Variants in OXGR1 observed in about 807,000 individuals in gnomAD.
The protein encoded by OXGR1 is 2-oxoglutarate receptor 1.
OXGR1 carries 10 observed loss-of-function variants against 10.0 expected under a neutral mutation model. The observed-to-expected ratio is 1.00, with a 90% CI of 0.62 to 1.70. OXGR1 has a LOEUF of 1.70. Ranked by LOEUF, OXGR1 falls within the 40% of genes most tolerant of loss-of-function variation. The pLI, the probability that OXGR1 is intolerant of heterozygous loss-of-function variation, is 0.00. For synonymous variants in OXGR1, 191 were observed against 155.9 expected, an observed-to-expected ratio of 1.22 and a Z score of -1.68; for missense variants, 398 against 407.6, an observed-to-expected ratio of 0.98 and a Z score of 0.20.
intron 1 of OXGR1, among the ~76,000 whole-genome samples, chr13:96,993,241 C>T (rs939111153): frequency 3.6e-4 from 54 of 152,066 alleles, no homozygotes; most frequent in African/African-American, 1.2e-3. Context: ...GTTTTGGAGA[C>T]GAAATCTTGC....
Position 96,987,194 on chromosome 13 carries a change from G to A in OXGR1, c.566C>T (p.Ser189Leu), listed in dbSNP as rs1391190434. 7.4e-6 allele frequency: 12 copies of A among 1,614,046 alleles called. No homozygotes were observed. The highest frequency in any genetic ancestry group is 1.7e-5 in the Admixed American group (1 of 60,002). The change falls in exon 4 of 4, where the codon TCG (serine) becomes TTG (leucine). Residue 189 changes from serine to leucine, a missense_variant. Physicochemically the swap from Ser to Leu is moderately radical, Grantham distance 145. Coordinates refer to ENST00000541038, the MANE Select transcript of OXGR1 (RefSeq NM_001346194.2). ...CCACTTAATAGTATTGAGTTCATCC[G>A]AACTGGTGAGGTCGAGACAGGCTGA... ...NRSACLDLTS[S>L]DELNTIKWYN...
chr13:96,992,187 T>A, intron 2 of OXGR1, among the ~76,000 whole-genome samples: 1 of 151,850 alleles, frequency 6.6e-6, no homozygotes, highest in East Asian at 1.9e-4. Flanking sequence ...CACAATGGGG[T>A]GACCATAGTC....
At chr13:96,990,788 A>C (rs1019028859) in intron 2 of OXGR1, among the ~76,000 whole-genome samples, 10 of 151,764 alleles carry the variant, frequency 6.6e-5, no homozygotes, top group Non-Finnish European at 7.4e-5. Flanking sequence ...TATTAAAAAT[A>C]CAAAAAAAAA....
In OXGR1 at chr13:96,994,474, T is replaced by G. The variant is rs1882223013; in HGVS notation, c.-454A>C. On this transcript the variant is annotated 5_prime_UTR_variant, in exon 1 of 4. An upstream start codon of the reference 5' UTR is lost. Transcript: ENST00000541038. ...GCCCCGAGCAGCCTGGCCAGCAGCA[T>G]CCCGCCTCGCCCACTTCCCAGTAGA... 1 of 138,800 alleles carries G rather than the reference T, an allele frequency of 7.2e-6. No homozygotes were observed. Among genetic ancestry groups the G allele is most frequent in the African/African-American group, 2.7e-5 (1 of 37,120 alleles). 8.6% of individuals were successfully genotyped at this position (138,800 alleles called of 1,614,324 possible).
At chr13:96,994,172 G>A (rs562797008) in intron 1 of OXGR1, 126 bp downstream of exon 1, 2 of 152,512 alleles carry the variant, frequency 1.3e-5, no homozygotes, top group East Asian at 1.9e-4. Flanking sequence ...CTGCTGCAGG[G>A]ACGTGCGGGG....
intron 3 of OXGR1, 30 bp downstream of exon 3, chr13:96,989,728 T>C (rs1881957702): frequency 6.6e-6 from 1 of 152,234 alleles, no homozygotes; most frequent in Non-Finnish European, 1.5e-5. Flanking sequence ...CTGAAGTGCC[T>C]GTAATCACAA....
chr13:96,987,596 A>G lies in OXGR1; in HGVS notation c.164T>C (p.Ile55Thr), dbSNP rs1214147279. The change falls in exon 4 of 4, where the codon ATA (isoleucine) becomes ACA (threonine). Residue 55 changes from isoleucine (I) to threonine (T), a missense_variant. Transcript: ENST00000541038. ...LVGFPGNAVV[I>T]STYIFKMRPW... ...TCTCATTTTGAAAATGTAAGTGGAT[A>G]TCACTACTGCATTGCCTGGAAATCC... 1.9e-6 allele frequency: 3 copies of G among 1,614,172 alleles called. No homozygotes were observed. Among genetic ancestry groups the G allele is most frequent in the Middle Eastern group, 1.6e-4 (1 of 6,062 alleles).
intron 3 of OXGR1, among the ~76,000 whole-genome samples, chr13:96,988,651 C>T (rs1021115961): frequency 2.6e-5 from 4 of 152,026 alleles, no homozygotes; most frequent in East Asian, 1.9e-4. Context: ...GGAGGCTGAG[C>T]CCTGAAGCCA....
chr13:96,987,483 A>G lies in OXGR1; in HGVS notation c.277T>C (p.Tyr93His), dbSNP rs750738836. The change falls in exon 4 of 4, where the codon TAT (tyrosine) becomes CAT (histidine). Residue 93 changes from tyrosine to histidine, a missense_variant. Physicochemically the swap from Tyr to His is moderately conservative, Grantham distance 83 (BLOSUM62 2). Transcript: ENST00000541038. Reference protein sequence around the residue: ...LTSLPFLIHYYASGENWIFGD... With the variant: ...LTSLPFLIHYHASGENWIFGD... ...AAGATCCAGTTTTCGCCACTGGCAT[A>G]GTAGTGAATCAGGAAGGGGAGGCTG... 6.8e-6 allele frequency: 11 copies of G among 1,614,120 alleles called. No homozygotes were observed. In the South Asian group the frequency reaches 1.2e-4, roughly 18 times the overall value.
chr13:96,986,421 G>A lies in OXGR1; in HGVS notation c.*325C>T. 1.2e-5 allele frequency: 3 copies of A among 241,612 alleles called. No individual in the cohort carries two copies. The highest frequency in any genetic ancestry group is 2.4e-5 in the Non-Finnish European group (3 of 125,206). The allele number at this position is 241,612 out of a possible 1,614,324, so 15.0% of individuals were successfully genotyped here. On this transcript the variant is annotated 3_prime_UTR_variant, in exon 4 of 4. Transcript: ENST00000541038. Reference sequence around the variant, plus strand: ...GCACAAATTTACTGAGCAATCTAGGGCAAGGGTAAGAAATTGGTTTCCGTG... The same window carrying A: ...GCACAAATTTACTGAGCAATCTAGGACAAGGGTAAGAAATTGGTTTCCGTG...
intron 3 of OXGR1, among the ~76,000 whole-genome samples, chr13:96,988,364 C>T (rs1881888209): frequency 6.6e-6 from 1 of 152,194 alleles, no homozygotes. Context: ...TCCCTTTCTA[C>T]ATTACCTCTC....
At position 96,986,838 on chromosome 13, in the gene OXGR1, T is replaced by C. The variant is rs1881765892; in HGVS notation, c.922A>G (p.Asn308Asp). 6.2e-7 allele frequency: 1 copy of C among 1,614,094 alleles called. No homozygotes were observed. Among genetic ancestry groups the C allele is most frequent in the South Asian group, 1.1e-5 (1 of 91,082 alleles). ...GTTGAGCAGACAGCCTGCTGAAAGT[T>C]GTCGCTGACCACCACATATAGTAAC... is the stretch of plus-strand genomic sequence containing the variant. Reference protein sequence around the residue: ...NLLLYVVVSDNFQQAVCSTVR... With the variant: ...NLLLYVVVSDDFQQAVCSTVR... Residue 308 changes from asparagine (N) to aspartate (D), a missense_variant, in exon 4 of 4, where the codon AAC becomes GAC. Physicochemically the swap from Asn to Asp is conservative, Grantham distance 23 (BLOSUM62 1). Transcript: ENST00000541038.
Position 96,988,040 on chromosome 13 carries a change from A to G in OXGR1, c.-74-207T>C, listed in dbSNP as rs1029634868. Reference sequence around the variant, plus strand: ...CTAATAAAAATATAAAAGTTAAATTACCATGAGAGTTAAAATGAGGGATTG... The same window carrying G: ...CTAATAAAAATATAAAAGTTAAATTGCCATGAGAGTTAAAATGAGGGATTG... On this transcript the variant is annotated intron_variant, in intron 3 of 3. Transcript: ENST00000541038. 1.2e-4 allele frequency among the ~76,000 whole-genome samples: 18 copies of G among 152,356 alleles called. No individual in the cohort carries two copies. In the East Asian group the frequency reaches 3.5e-3, roughly 29 times the overall value.
Position 96,987,605 on chromosome 13 carries a change from G to T in OXGR1, c.155C>A (p.Ala52Glu). The change falls in exon 4 of 4, where the codon GCA (alanine) becomes GAA (glutamate). Residue 52 changes from alanine to glutamate, a missense_variant. Coordinates refer to ENST00000541038, the MANE Select transcript of OXGR1 (RefSeq NM_001346194.2). ...GAAAATGTAAGTGGATATCACTACT[G>T]CATTGCCTGGAAATCCCACGAGGAA... ...IIFLVGFPGN[A>E]VVISTYIFKM... 1 of 1,614,082 alleles carries T rather than the reference G, an allele frequency of 6.2e-7. No individual in the cohort carries two copies.
intron 2 of OXGR1, among the ~76,000 whole-genome samples, 182 bp downstream of exon 2, chr13:96,992,240 G>A (rs759764956): frequency 6.6e-6 from 1 of 152,164 alleles, no homozygotes; most frequent in Non-Finnish European, 1.5e-5. Context: ...AAGGTAAGTG[G>A]ATTGTTTGTA....
intron 2 of OXGR1, among the ~76,000 whole-genome samples, chr13:96,990,987 T>C (rs1185165790): frequency 6.8e-6 from 1 of 146,314 alleles, no homozygotes; most frequent in African/African-American, 2.6e-5. Context: ...TTCATGACTT[T>C]TAAAGTAGGA....
At chr13:96,991,034 C>T (rs952293810) in intron 2 of OXGR1, among the ~76,000 whole-genome samples, 1 of 150,908 alleles carries the variant, frequency 6.6e-6, no homozygotes, top group African/African-American at 2.4e-5. Flanking sequence ...CAAATAAACC[C>T]TTAGCCATGT....
At chr13:96,992,907 A>G (rs1471945946) in intron 1 of OXGR1, among the ~76,000 whole-genome samples, 1 of 152,110 alleles carries the variant, frequency 6.6e-6, no homozygotes, top group Non-Finnish European at 1.5e-5. Context: ...CAGTTGGAAC[A>G]CTTAATCTGT....
chr13:96,987,478 G>T lies in OXGR1; in HGVS notation c.282C>A (p.Ala94=), dbSNP rs1211070021. The T allele has an allele frequency of 1.2e-6, 2 of 1,614,172 alleles. No homozygotes were observed. Among genetic ancestry groups the T allele is most frequent in the South Asian group, 2.2e-5 (2 of 91,082 alleles). Residue 94 remains alanine (A), a synonymous_variant, in exon 4 of 4, where the codon GCC becomes GCA. Transcript: ENST00000541038. ...TSLPFLIHYY[A]SGENWIFGDF... ...CTCCAAAGATCCAGTTTTCGCCACT[G>T]GCATAGTAGTGAATCAGGAAGGGGA...
Sources: allele counts gnomAD v4.1 joint callset (sites outside exome capture counted in the v4.1 genomes callset), GRCh38; gene constraint gnomAD v4.1.1; transcripts MANE v1.5; gene names NCBI Gene and HGNC (gene_info 2026-07-23, HGNC 2026-07-21).